The following EPHB1 variants were observed in gnomAD, a reference collection of about 807,000 sequenced individuals.
EPHB1 encodes the protein EPH receptor B1.
EPHB1 carries 30 observed loss-of-function variants against 94.4 expected under a neutral mutation model. The observed-to-expected ratio is 0.32, with a 90% confidence interval of 0.24 to 0.43. EPHB1 has a LOEUF of 0.43. EPHB1 is among the 20% of genes least tolerant of loss of function. The pLI is 1.00. For missense variants in EPHB1, 1,055 were observed against 1,308.3 expected (o/e 0.81, Z 2.99); for synonymous variants, 522 against 489.1 (o/e 1.07, Z -0.89).
chr3:134,998,593 T>G (rs1935073706), intron 3 of EPHB1, among the ~76,000 whole-genome samples: 1 of 152,218 alleles, frequency 6.6e-6, no homozygotes, highest in Non-Finnish European at 1.5e-5. Flanking sequence ...GTTGTGAAGT[T>G]TCAACATTTT....
At chr3:135,010,558 G>GTTTTTTTTTTTTTTTTTTT (rs58579496) in intron 3 of EPHB1, among the ~76,000 whole-genome samples, 1 of 110,400 alleles carries the variant, frequency 9.1e-6, no homozygotes. Context: ...ATTTTTTTCT[G>GTTTTTTTTTTTTTTTTTTT]TTTTTTTTTT....
chr3:134,811,242 G>GTTTTTTTTTTT (rs397966930), intron 1 of EPHB1, among the ~76,000 whole-genome samples: 850 of 73,792 alleles, frequency 0.012, 168 homozygotes, highest in Non-Finnish European at 0.017. Flanking sequence ...TACTAAGAAG[G>GTTTTTTTTTTT]TTTTTTTTTT....
chr3:135,213,431 C>T (rs1943075389), intron 12 of EPHB1, among the ~76,000 whole-genome samples: 2 of 152,190 alleles, frequency 1.3e-5, no homozygotes, highest in Admixed American at 6.5e-5. Context: ...TATGTGTGTT[C>T]AAATAAACAT....
chr3:135,231,890 A>G (rs537128720), intron 12 of EPHB1, among the ~76,000 whole-genome samples: 1 of 152,310 alleles, frequency 6.6e-6, no homozygotes, highest in East Asian at 1.9e-4. Context: ...ATGTTGCATC[A>G]TAATCCTTAG....
chr3:135,000,003 C>T (rs765120785), intron 3 of EPHB1, among the ~76,000 whole-genome samples: 1 of 152,210 alleles, frequency 6.6e-6, no homozygotes, highest in Non-Finnish European at 1.5e-5. Context: ...GGAGATGCTC[C>T]TTGTCCTGGG....
chr3:134,921,042 C>T (rs1015692428), intron 1 of EPHB1, among the ~76,000 whole-genome samples: 13 of 152,264 alleles, frequency 8.5e-5, no homozygotes, highest in African/African-American at 3.1e-4. Context: ...CGCCACAGTA[C>T]CTGGCTCTAT....
intron 10 of EPHB1, among the ~76,000 whole-genome samples, chr3:135,188,798 G>C (rs992435053): frequency 3.9e-5 from 6 of 152,150 alleles, no homozygotes; most frequent in Admixed American, 1.3e-4. Context: ...ATAATCTCCT[G>C]GTGAGGATTA....
chr3:135,252,966 G>A (rs1390392712), intron 15 of EPHB1, among the ~76,000 whole-genome samples: 3 of 149,454 alleles, frequency 2.0e-5, no homozygotes, highest in South Asian at 2.2e-4. Flanking sequence ...CTGATGGCCA[G>A]TGATGGTGAG....
intron 4 of EPHB1, among the ~76,000 whole-genome samples, chr3:135,107,426 CT>C (rs1443655561): frequency 1.0e-5 from 1 of 96,318 alleles, no homozygotes; most frequent in Non-Finnish European, 3.0e-5. Context: ...TTTGCTCCTA[CT>C]CCTCTGAGCA....
intron 1 of EPHB1, among the ~76,000 whole-genome samples, chr3:134,845,839 C>G (rs1211538383): frequency 6.6e-6 from 1 of 152,182 alleles, no homozygotes; most frequent in Non-Finnish European, 1.5e-5. Context: ...ATCTAACAAG[C>G]TCTCCTTCCA....
chr3:134,910,762 G>T lies in EPHB1; in HGVS notation c.59-15054G>T, dbSNP rs564289702. ...CCTGGCAACTGCATAGCTAGAGGAG[G>T]TCAGAACTATGATCTCACAGACAAG... is the stretch of plus-strand genomic sequence containing the variant. On this transcript the variant is annotated intron_variant, in intron 1 of 15. Coordinates refer to ENST00000398015, the MANE Select transcript of EPHB1 (RefSeq NM_004441.5). 3.9e-5 allele frequency among the ~76,000 whole-genome samples: 6 copies of T among 152,308 alleles called. No homozygotes were observed. In the South Asian group the frequency reaches 8.3e-4, roughly 21 times the overall value.
At chr3:134,987,865 CT>C (rs1223499247) in intron 3 of EPHB1, among the ~76,000 whole-genome samples, 2 of 152,100 alleles carry the variant, frequency 1.3e-5, no homozygotes, top group Admixed American at 1.3e-4. Context: ...GAAAACAGCC[CT>C]GCTGATACCT....
At chr3:135,002,539 G>T (rs1315764624) in intron 3 of EPHB1, among the ~76,000 whole-genome samples, 3 of 151,710 alleles carry the variant, frequency 2.0e-5, no homozygotes, top group Admixed American at 6.6e-5. Context: ...AATGGTACCA[G>T]TTCCTCCTTG....
At chr3:135,005,620 T>C (rs849852) in intron 3 of EPHB1, among the ~76,000 whole-genome samples, 107,556 of 152,156 alleles carry the variant, frequency 0.71, 40,052 homozygotes, top group African/African-American at 0.93. Flanking sequence ...ACTCCGTGGG[T>C]GTAGGACCCT....
chr3:135,010,238 C>T (rs1935571811), intron 3 of EPHB1, among the ~76,000 whole-genome samples: 1 of 152,068 alleles, frequency 6.6e-6, no homozygotes, highest in South Asian at 2.1e-4. Flanking sequence ...GAGATTTATT[C>T]ACATTTTAAA....
At chr3:135,108,049 C>T (rs1171594895) in intron 4 of EPHB1, among the ~76,000 whole-genome samples, 1 of 152,182 alleles carries the variant, frequency 6.6e-6, no homozygotes. Flanking sequence ...AGACCAAAGA[C>T]TAGTCTCCAT....
intron 3 of EPHB1, among the ~76,000 whole-genome samples, chr3:135,066,617 G>T (rs1157842382): frequency 6.6e-6 from 1 of 151,866 alleles, no homozygotes; most frequent in African/African-American, 2.4e-5. Flanking sequence ...TCATTTTTTG[G>T]ATTTCCTTGC....
chr3:135,177,451 G>A (rs969111915), intron 9 of EPHB1, among the ~76,000 whole-genome samples: 12 of 150,052 alleles, frequency 8.0e-5, no homozygotes, highest in Non-Finnish European at 1.0e-4. Context: ...CTGCCCACCC[G>A]TACAACAGGC....
At chr3:135,232,045 AT>A (rs1183770961) in intron 12 of EPHB1, among the ~76,000 whole-genome samples, 2 of 152,180 alleles carry the variant, frequency 1.3e-5, no homozygotes, top group African/African-American at 4.8e-5. Context: ...CAGCCTCTTT[AT>A]TATATAGACT....
Sources: gnomAD v4.1 joint callset for allele counts (sites outside exome capture counted in the v4.1 genomes callset) on GRCh38, gnomAD v4.1.1 for gene constraint, MANE v1.5 for transcripts, NCBI Gene and HGNC (gene_info 2026-07-23, HGNC 2026-07-21) for gene names.